Variants in CNMD observed in about 807,000 individuals in gnomAD.
CNMD encodes the protein leukocyte cell-derived chemotaxin 1.
CNMD carries 30 observed loss-of-function variants against 37.5 expected under a neutral mutation model. The observed-to-expected ratio is 0.80, with a 90% CI of 0.60 to 1.09. The LOEUF is 1.09. Ranked by LOEUF, CNMD falls within the 50% of genes least tolerant of loss-of-function variation. The pLI is 0.00. For synonymous variants in CNMD, 167 were observed against 148.2 expected (o/e 1.13, Z -0.92); for missense variants, 398 against 423.9 (o/e 0.94, Z 0.54).
rs764599414 is a variant in CNMD, at chr13:52,724,113, A to G, written c.355-3T>C. The G allele has an allele frequency of 1.1e-5, 17 of 1,599,834 alleles. No homozygotes were observed. In the East Asian group the frequency reaches 2.7e-4, roughly 25 times the overall value. On this transcript the variant is annotated splice_region_variant and splice_polypyrimidine_tract_variant and intron_variant, in intron 3 of 6. Coordinates refer to ENST00000377962, the MANE Select transcript of CNMD (RefSeq NM_007015.3). ...GCAAAACGAATTCCTGTGATGCCCT[A>G]TGAAACAAAAGTGTATCCATCTATC...
intron 6 of CNMD, among the ~76,000 whole-genome samples, chr13:52,706,176 G>A (rs1454187643): frequency 6.6e-6 from 1 of 152,148 alleles, no homozygotes; most frequent in Non-Finnish European, 1.5e-5. Context: ...TAAACAACCA[G>A]GAGATAGAAT....
intron 2 of CNMD, among the ~76,000 whole-genome samples, chr13:52,735,151 T>C (rs1033622111): frequency 2.6e-5 from 4 of 152,228 alleles, no homozygotes; most frequent in Non-Finnish European, 4.4e-5. Flanking sequence ...TCTTTTCCCC[T>C]TTCCCCTCAG....
At position 52,724,289 on chromosome 13, in the gene CNMD, G is replaced by A. The variant is rs561241344; in HGVS notation, c.355-179C>T. On this transcript the variant is annotated intron_variant, in intron 3 of 6. Transcript: ENST00000377962. The stretch of plus-strand genomic sequence containing the variant: ...GTTTACCAATAATAAAAAACAGCCG[G>A]GCGGCCTGGCGCGGTGGCTCACGCC... Among the ~76,000 whole-genome samples the A allele has an allele frequency of 1.3e-5, 2 of 151,852 alleles. 1 individual carries two copies. Among genetic ancestry groups the A allele is most frequent in the South Asian group, 4.2e-4 (2 of 4,792 alleles).
chr13:52,722,982 G>A (rs2138251554), intron 4 of CNMD, among the ~76,000 whole-genome samples: 1 of 152,348 alleles, frequency 6.6e-6, no homozygotes, highest in South Asian at 2.1e-4. Flanking sequence ...GGTGGGGGAT[G>A]AGTGCCCTGT....
At chr13:52,710,124 A>G (rs754076992) in intron 5 of CNMD, among the ~76,000 whole-genome samples, 1 of 152,208 alleles carries the variant, frequency 6.6e-6, no homozygotes, top group Non-Finnish European at 1.5e-5. Context: ...AGTGTGTTGC[A>G]TATAATAAGC....
intron 2 of CNMD, among the ~76,000 whole-genome samples, chr13:52,737,900 G>A (rs1964798987): frequency 6.6e-6 from 1 of 152,176 alleles, no homozygotes; most frequent in Non-Finnish European, 1.5e-5. Flanking sequence ...CTTACAAATC[G>A]ATGCTTGTAA....
At chr13:52,712,898 A>G (rs761416837) in intron 4 of CNMD, 29 bp from the exon 5 acceptor site, 1 of 1,508,588 alleles carries the variant, frequency 6.6e-7, no homozygotes. Context: ...GCATTTGAGC[A>G]AAGAGGACAG....
At chr13:52,725,269 T>A (rs1357441962) in intron 3 of CNMD, among the ~76,000 whole-genome samples, 2 of 152,234 alleles carry the variant, frequency 1.3e-5, no homozygotes, top group Non-Finnish European at 2.9e-5. Context: ...TCTGTTTTCT[T>A]TTTTGGTGAC....
At chr13:52,708,187 ATT>A (rs58668693) in intron 6 of CNMD, among the ~76,000 whole-genome samples, 32 of 149,472 alleles carry the variant, frequency 2.1e-4, no homozygotes, top group South Asian at 2.1e-4. Context: ...TTTCAACACT[ATT>A]TTTTTTTTTT....
chr13:52,734,770 G>A (rs1964728185), intron 2 of CNMD, among the ~76,000 whole-genome samples: 1 of 152,140 alleles, frequency 6.6e-6, no homozygotes, highest in African/African-American at 2.4e-5. Flanking sequence ...TCCAATTCAA[G>A]TCTGATTTTT....
At chr13:52,704,833 G>A (rs1400569825) in intron 6 of CNMD, among the ~76,000 whole-genome samples, 1 of 152,134 alleles carries the variant, frequency 6.6e-6, no homozygotes, top group African/African-American at 2.4e-5. Flanking sequence ...AGGCCAAGGT[G>A]GGTGGATCAC....
At chr13:52,734,661 C>T (rs2138277659) in intron 2 of CNMD, among the ~76,000 whole-genome samples, 1 of 151,544 alleles carries the variant, frequency 6.6e-6, no homozygotes, top group African/African-American at 2.4e-5. Context: ...ATTATATATA[C>T]ACATATATAT....
chr13:52,728,766 G>A (rs1428073892), intron 3 of CNMD, among the ~76,000 whole-genome samples: 1 of 152,092 alleles, frequency 6.6e-6, no homozygotes, highest in Non-Finnish European at 1.5e-5. Flanking sequence ...TGAATGATTC[G>A]CAGCACTGAA....
intron 3 of CNMD, among the ~76,000 whole-genome samples, chr13:52,727,499 A>G (rs2138262189): frequency 6.6e-6 from 1 of 152,208 alleles, no homozygotes; most frequent in East Asian, 1.9e-4. Context: ...CCATTTCTAC[A>G]AAAAAATTTT....
At chr13:52,730,326 G>T (rs1964643741) in intron 3 of CNMD, among the ~76,000 whole-genome samples, 1 of 152,016 alleles carries the variant, frequency 6.6e-6, no homozygotes, top group Admixed American at 6.6e-5. Flanking sequence ...ATAATCCTTT[G>T]GGTATATACC....
intron 4 of CNMD, among the ~76,000 whole-genome samples, chr13:52,719,050 C>T (rs373946830): frequency 1.3e-5 from 2 of 152,172 alleles, no homozygotes; most frequent in South Asian, 4.1e-4. Context: ...GTTAGTTCTT[C>T]TGGTTGCATT....
chr13:52,704,903 T>TAGAAATAC lies in CNMD; in HGVS notation c.790-1094_790-1093insGTATTTCT, dbSNP rs112401792. The stretch of plus-strand genomic sequence containing the variant: ...ATGGTGAAACCAACCCCATCTCTAC[T>TAGAAATAC]AAAAAATTAGCCAGGCGTGGTGGTG... On this transcript the variant is annotated intron_variant, in intron 6 of 6. Transcript: ENST00000377962. Among the ~76,000 whole-genome samples, 426 of 151,734 alleles carry TAGAAATAC rather than the reference T, an allele frequency of 2.8e-3. 3 individuals are homozygous for TAGAAATAC. The highest frequency in any genetic ancestry group is 5.2e-3 in the Non-Finnish European group (354 of 67,890).
At chr13:52,705,190 G>A (rs376079681) in intron 6 of CNMD, among the ~76,000 whole-genome samples, 1 of 152,092 alleles carries the variant, frequency 6.6e-6, no homozygotes, top group Non-Finnish European at 1.5e-5. Flanking sequence ...AACAGCAAAA[G>A]ATAGGGAAAT....
chr13:52,734,966 G>C (rs1964730492), intron 2 of CNMD, among the ~76,000 whole-genome samples: 1 of 152,186 alleles, frequency 6.6e-6, no homozygotes, highest in African/African-American at 2.4e-5. Flanking sequence ...TCATTCAGCA[G>C]GACAGAAAAT....
Sources: allele counts gnomAD v4.1 joint callset (sites outside exome capture counted in the v4.1 genomes callset), GRCh38; gene constraint gnomAD v4.1.1; transcripts MANE v1.5; gene names NCBI Gene and HGNC (gene_info 2026-07-23, HGNC 2026-07-21).